Variants in GALNT17 observed in about 807,000 individuals in gnomAD.
GALNT17 encodes UDP-GalNAc:polypeptide N-acetylgalactosaminyltransferase-like 3.
Under a neutral mutation model 63.7 loss-of-function variants are expected in GALNT17, and 29 were observed. The observed-to-expected ratio is 0.46, with a 90% CI of 0.34 to 0.62. The LOEUF is 0.62. GALNT17 is among the 20% of genes least tolerant of loss of function. The probability of loss-of-function intolerance (pLI) is 0.01; values close to 1 mark genes in which losing one functional copy is unlikely to be tolerated. For missense variants in GALNT17, 603 were observed against 799.6 expected, an observed-to-expected ratio of 0.75 and a Z score of 2.97; for synonymous variants, 305 against 318.3, an observed-to-expected ratio of 0.96 and a Z score of 0.45.
chr7:71,675,849 G>A (rs749679638), intron 8 of GALNT17, among the ~76,000 whole-genome samples: 5 of 152,078 alleles, frequency 3.3e-5, no homozygotes, highest in Admixed American at 6.6e-5. Context: ...TTAACTGGGC[G>A]TGGTAGCGGG....
At chr7:71,614,749 C>T (rs976416934) in intron 6 of GALNT17, among the ~76,000 whole-genome samples, 4 of 139,986 alleles carry the variant, frequency 2.9e-5, no homozygotes, top group South Asian at 2.3e-4. Flanking sequence ...GTGGAGAGAG[C>T]GAAAGAAACA....
intron 2 of GALNT17, among the ~76,000 whole-genome samples, chr7:71,338,743 A>C (rs1791957314): frequency 6.6e-6 from 1 of 152,174 alleles, no homozygotes; most frequent in African/African-American, 2.4e-5. Context: ...CTCTTTTTCT[A>C]TTTAGAGTGT....
intron 9 of GALNT17, among the ~76,000 whole-genome samples, chr7:71,680,800 C>T (rs1791248133): frequency 2.0e-5 from 3 of 147,278 alleles, no homozygotes; most frequent in Non-Finnish European, 3.0e-5. Context: ...TTCCTTCCTT[C>T]CTTCCTTTCT....
At chr7:71,186,842 A>AG in intron 1 of GALNT17, among the ~76,000 whole-genome samples, 1 of 152,190 alleles carries the variant, frequency 6.6e-6, no homozygotes, top group Admixed American at 6.5e-5. Context: ...TATTTTCCCT[A>AG]AGGCGAGAAA....
intron 6 of GALNT17, among the ~76,000 whole-genome samples, chr7:71,611,255 T>C (rs1474807700): frequency 6.6e-6 from 1 of 152,110 alleles, no homozygotes; most frequent in East Asian, 1.9e-4. Context: ...AAACATTGGT[T>C]ATATCCCTCT....
chr7:71,167,882 C>G (rs1164728772), intron 1 of GALNT17, among the ~76,000 whole-genome samples: 1 of 152,070 alleles, frequency 6.6e-6, no homozygotes, highest in African/African-American at 2.4e-5. Flanking sequence ...GTTGGCCAGG[C>G]TGGTCTTGAG....
intron 5 of GALNT17, among the ~76,000 whole-genome samples, chr7:71,475,606 C>T (rs1787710060): frequency 1.3e-5 from 2 of 152,288 alleles, no homozygotes; most frequent in South Asian, 2.1e-4. Context: ...CCACTCACCT[C>T]CTGCTATGTG....
chr7:71,184,059 T>C (rs1788786429), intron 1 of GALNT17, among the ~76,000 whole-genome samples: 1 of 152,062 alleles, frequency 6.6e-6, no homozygotes, highest in South Asian at 2.1e-4. Context: ...GTTAACGAGG[T>C]AATTAAATGA....
chr7:71,270,852 A>T (rs1442390793), intron 1 of GALNT17, among the ~76,000 whole-genome samples: 1 of 152,088 alleles, frequency 6.6e-6, no homozygotes, highest in Admixed American at 6.5e-5. Context: ...AAAAAAAAAT[A>T]AAAAAGAAAG....
At chr7:71,366,131 T>A (rs1430278697) in intron 2 of GALNT17, among the ~76,000 whole-genome samples, 1 of 152,012 alleles carries the variant, frequency 6.6e-6, no homozygotes, top group Non-Finnish European at 1.5e-5. Context: ...TCTCAGGTGG[T>A]CACGTGAGTA....
intron 1 of GALNT17, among the ~76,000 whole-genome samples, chr7:71,255,102 C>G (rs1790265894): frequency 6.6e-6 from 1 of 152,162 alleles, no homozygotes; most frequent in Admixed American, 6.5e-5. Context: ...CTCATCCATT[C>G]AACAAAATAT....
chr7:71,296,980 C>T (rs1791093360), intron 1 of GALNT17, among the ~76,000 whole-genome samples: 1 of 152,216 alleles, frequency 6.6e-6, no homozygotes, highest in Non-Finnish European at 1.5e-5. Context: ...AATTCCTAGT[C>T]CAGTTCCCTC....
At chr7:71,181,791 C>T (rs756182860) in intron 1 of GALNT17, among the ~76,000 whole-genome samples, 24 of 151,892 alleles carry the variant, frequency 1.6e-4, no homozygotes, top group African/African-American at 2.9e-4. Context: ...GCAGGAGGAT[C>T]GCTTGAACCC....
intron 5 of GALNT17, among the ~76,000 whole-genome samples, chr7:71,503,275 C>T (rs1360260902): frequency 6.6e-6 from 1 of 152,180 alleles, no homozygotes; most frequent in Middle Eastern, 3.2e-3. Context: ...GGGTCTCGCT[C>T]TGTCACCCAG....
At chr7:71,185,016 C>CTCCT (rs368407592) in intron 1 of GALNT17, among the ~76,000 whole-genome samples, 5 of 126,746 alleles carry the variant, frequency 3.9e-5, no homozygotes, top group South Asian at 2.5e-4. Context: ...CCCTCCCTCC[C>CTCCT]TCCTTCCTTC....
intron 5 of GALNT17, among the ~76,000 whole-genome samples, chr7:71,426,165 C>T (rs917036288): frequency 3.3e-5 from 5 of 152,102 alleles, no homozygotes; most frequent in Admixed American, 6.6e-5. Context: ...GAGATTTGGG[C>T]GGGGGTGCAG....
intron 5 of GALNT17, among the ~76,000 whole-genome samples, chr7:71,444,526 C>G (rs1291054652): frequency 6.6e-6 from 1 of 152,198 alleles, no homozygotes; most frequent in Non-Finnish European, 1.5e-5. Context: ...ACACATCTCT[C>G]CCTCTCTGGG....
chr7:71,652,782 G>A (rs1400644435), intron 6 of GALNT17, among the ~76,000 whole-genome samples: 1 of 152,206 alleles, frequency 6.6e-6, no homozygotes, highest in Non-Finnish European at 1.5e-5. Context: ...TAGGAAGGAA[G>A]ACATCAGAGA....
chr7:71,561,088 C>G (rs1421123615), intron 5 of GALNT17, among the ~76,000 whole-genome samples: 2 of 152,180 alleles, frequency 1.3e-5, no homozygotes, highest in African/African-American at 4.8e-5. Flanking sequence ...TCTTGGCTCA[C>G]TGCAACCTCC....
Sources: allele counts gnomAD v4.1 joint callset (sites outside exome capture counted in the v4.1 genomes callset), GRCh38; gene constraint gnomAD v4.1.1; transcripts MANE v1.5; gene names NCBI Gene and HGNC (gene_info 2026-07-23, HGNC 2026-07-21).